Variants in ARL15 observed in about 807,000 individuals in gnomAD.
ARL15 encodes the protein ARF like GTPase 15, also known as ADP-ribosylation factor-like protein 15.
Under a neutral mutation model 25.2 loss-of-function variants are expected in ARL15, and 19 were observed. That is an observed-to-expected ratio of 0.75 (90% confidence interval 0.53 to 1.10). The LOEUF (loss-of-function observed/expected upper bound fraction) is 1.10, where lower values mean the gene tolerates loss of function less well. Ranked by LOEUF, ARL15 falls within the 50% of genes least tolerant of loss-of-function variation. The pLI, the probability that ARL15 is intolerant of heterozygous loss-of-function variation, is 0.00. For synonymous variants in ARL15, 94 were observed against 86.8 expected, an observed-to-expected ratio of 1.08 and a Z score of -0.46; for missense variants, 220 against 246.0, an observed-to-expected ratio of 0.89 and a Z score of 0.71.
intron 4 of ARL15, among the ~76,000 whole-genome samples, chr5:53,900,297 G>C (rs368431557): frequency 6.6e-6 from 1 of 152,130 alleles, no homozygotes; most frequent in East Asian, 1.9e-4. Flanking sequence ...ACAAACCCCT[G>C]AATCAAGCTA....
intron 4 of ARL15, among the ~76,000 whole-genome samples, chr5:53,970,905 C>T (rs1747731342): frequency 6.6e-6 from 1 of 152,112 alleles, no homozygotes; most frequent in Non-Finnish European, 1.5e-5. Context: ...AAACCTGAAA[C>T]TAATCAATCA....
intron 4 of ARL15, among the ~76,000 whole-genome samples, chr5:53,973,892 G>C (rs1436939786): frequency 6.6e-6 from 1 of 151,716 alleles, no homozygotes; most frequent in African/African-American, 2.4e-5. Context: ...TATTTTCAAC[G>C]ATTTTTCCCT....
At chr5:54,150,442 ATAAT>A (rs1377821494) in intron 3 of ARL15, among the ~76,000 whole-genome samples, 2 of 152,186 alleles carry the variant, frequency 1.3e-5, no homozygotes, top group African/African-American at 2.4e-5. Flanking sequence ...AGCAACAGAA[ATAAT>A]TAGAGATTAA....
intron 1 of ARL15, among the ~76,000 whole-genome samples, chr5:54,185,749 G>T (rs1308679718): frequency 6.6e-6 from 1 of 152,154 alleles, no homozygotes; most frequent in African/African-American, 2.4e-5. Context: ...TAATCAATAG[G>T]TGTTATTATC....
At chr5:53,995,039 G>A (rs1318194079) in intron 4 of ARL15, among the ~76,000 whole-genome samples, 3 of 152,052 alleles carry the variant, frequency 2.0e-5, no homozygotes, top group East Asian at 1.9e-4. Context: ...GGCTGGGCGC[G>A]GTGGCTCATG....
intron 1 of ARL15, among the ~76,000 whole-genome samples, chr5:54,230,236 A>G (rs1306850657): frequency 6.6e-6 from 1 of 151,674 alleles, no homozygotes; most frequent in Non-Finnish European, 1.5e-5. Context: ...AGTCCCAGCT[A>G]CTTGGGAGGC....
chr5:54,100,138 C>A (rs549933959), intron 4 of ARL15, among the ~76,000 whole-genome samples: 6 of 152,142 alleles, frequency 3.9e-5, no homozygotes, highest in African/African-American at 1.4e-4. Flanking sequence ...AAAGAAAACA[C>A]CAGAACATTT....
At chr5:53,914,335 C>T (rs1745563347) in intron 4 of ARL15, among the ~76,000 whole-genome samples, 1 of 152,064 alleles carries the variant, frequency 6.6e-6, no homozygotes, top group Non-Finnish European at 1.5e-5. Context: ...CAACTTAAGC[C>T]CCAACCCTAC....
intron 4 of ARL15, among the ~76,000 whole-genome samples, chr5:53,911,244 G>T (rs1286695505): frequency 6.6e-6 from 1 of 152,176 alleles, no homozygotes; most frequent in Non-Finnish European, 1.5e-5. Context: ...ACAGTAAGAA[G>T]AAATTCTTCA....
At chr5:54,053,159 AAGGATCCCTGGGGCCCGGG>A (rs1242713045) in intron 4 of ARL15, among the ~76,000 whole-genome samples, 2 of 152,178 alleles carry the variant, frequency 1.3e-5, no homozygotes, top group African/African-American at 4.8e-5. Context: ...GCTGAGGCAG[AAGGATCCCTGGGGCCCGGG>A]AGGATCCCTG....
At chr5:53,906,143 G>A (rs1451375893) in intron 4 of ARL15, among the ~76,000 whole-genome samples, 1 of 152,110 alleles carries the variant, frequency 6.6e-6, no homozygotes, top group Non-Finnish European at 1.5e-5. Flanking sequence ...TAAAACATAC[G>A]GAAATGCTGA....
chr5:53,925,650 G>A (rs1368558256), intron 4 of ARL15, among the ~76,000 whole-genome samples: 1 of 152,016 alleles, frequency 6.6e-6, no homozygotes, highest in Non-Finnish European at 1.5e-5. Context: ...TTATATATAT[G>A]TTATTTTTTT....
intron 3 of ARL15, among the ~76,000 whole-genome samples, chr5:54,119,207 C>A (rs894010124): frequency 4.6e-5 from 7 of 152,066 alleles, no homozygotes; most frequent in African/African-American, 1.7e-4. Context: ...AGAGGTAGAA[C>A]CTTTAAGAGG....
intron 1 of ARL15, among the ~76,000 whole-genome samples, chr5:54,180,658 C>T (rs1755031302): frequency 6.6e-6 from 1 of 152,184 alleles, no homozygotes; most frequent in Admixed American, 6.5e-5. Flanking sequence ...TGGAATTGTC[C>T]CAGGGCTGAG....
chr5:54,204,992 T>C (rs1755827580), intron 1 of ARL15, among the ~76,000 whole-genome samples: 1 of 148,094 alleles, frequency 6.8e-6, no homozygotes, highest in African/African-American at 2.5e-5. Context: ...TGAAGTGCAG[T>C]GGCACAATCT....
Position 53,996,179 on chromosome 5 carries a change from G to A in ARL15, c.463-109466C>T, listed in dbSNP as rs560538753. On this transcript the variant is annotated intron_variant, in intron 4 of 4. Transcript: ENST00000504924. ...ACTTTTAGTTAAACTCAGCTCTGCCGCCTAGCTGGGGACAATGGCAAGGGA... is the reference window on the plus strand; with the variant it reads ...ACTTTTAGTTAAACTCAGCTCTGCCACCTAGCTGGGGACAATGGCAAGGGA... 1.2e-4 allele frequency among the ~76,000 whole-genome samples: 18 copies of A among 152,278 alleles called. No homozygotes were observed. In the South Asian group the frequency reaches 2.3e-3, roughly 19 times the overall value.
chr5:54,126,523 A>C (rs1176831369), intron 3 of ARL15, among the ~76,000 whole-genome samples: 1 of 152,186 alleles, frequency 6.6e-6, no homozygotes, highest in Admixed American at 6.5e-5. Flanking sequence ...GAAACTTTTA[A>C]AACTTCTCTG....
At chr5:53,924,961 T>G (rs1478652102) in intron 4 of ARL15, among the ~76,000 whole-genome samples, 1 of 152,164 alleles carries the variant, frequency 6.6e-6, no homozygotes, top group Non-Finnish European at 1.5e-5. Flanking sequence ...AAGAAAGAAT[T>G]CAACTCCTTC....
rs1461221631 is a variant in ARL15, at chr5:54,275,200, C to T, written c.48+35232G>A. Reference sequence around the variant, plus strand: ...GGCTACGGGCAACACTGATTCTCTGCCTACACACTGTCTTTGAGGTACACT... The same window carrying T: ...GGCTACGGGCAACACTGATTCTCTGTCTACACACTGTCTTTGAGGTACACT... On this transcript the variant is annotated intron_variant, in intron 1 of 4. Transcript: ENST00000504924. Among the ~76,000 whole-genome samples the T allele has an allele frequency of 5.3e-5, 8 of 152,182 alleles. No individual in the cohort carries two copies. In the South Asian group the frequency reaches 1.0e-3, roughly 20 times the overall value.
Sources: gnomAD v4.1 joint callset for allele counts (sites outside exome capture counted in the v4.1 genomes callset) on GRCh38, gnomAD v4.1.1 for gene constraint, MANE v1.5 for transcripts, NCBI Gene and HGNC (gene_info 2026-07-23, HGNC 2026-07-21) for gene names.